Variants in DIS3L2 observed in about 807,000 individuals in gnomAD.
DIS3L2 encodes the protein DIS3 like 3'-5' exoribonuclease 2.
In DIS3L2, 34 loss-of-function variants were observed where a neutral mutation model predicts 97.5. That is an observed-to-expected ratio of 0.35 (90% CI 0.27 to 0.46). DIS3L2 has a LOEUF of 0.46. Among genes scored for constraint, DIS3L2 ranks in the 20% least tolerant of loss-of-function variants. The pLI is 1.00. For missense variants in DIS3L2, 1,038 were observed against 1,146.0 expected, an observed-to-expected ratio of 0.91 and a Z score of 1.36; for synonymous variants, 435 against 445.2, an observed-to-expected ratio of 0.98 and a Z score of 0.29.
intron 3 of DIS3L2, among the ~76,000 whole-genome samples, chr2:232,019,588 G>T (rs1460246757): frequency 1.3e-5 from 2 of 149,046 alleles, no homozygotes; most frequent in Non-Finnish European, 3.0e-5. Context: ...AGTAAAATCA[G>T]CTGGAGAATA....
chr2:232,335,940 C>T (rs1220751601), intron 20 of DIS3L2, 66 bp downstream of exon 20: 9 of 1,546,376 alleles, frequency 5.8e-6, no homozygotes, highest in African/African-American at 1.4e-5. Context: ...CCTGCGGTGC[C>T]CCTCATTCCT....
chr2:232,270,086 G>A (rs1001896812), intron 13 of DIS3L2, among the ~76,000 whole-genome samples: 2 of 152,116 alleles, frequency 1.3e-5, no homozygotes, highest in African/African-American at 4.8e-5. Flanking sequence ...AGGGAATCAG[G>A]TTTCCAGTTT....
chr2:232,055,163 C>G (rs1695511292), intron 5 of DIS3L2, among the ~76,000 whole-genome samples: 1 of 152,130 alleles, frequency 6.6e-6, no homozygotes. Context: ...GAAAGCTTTC[C>G]CTCTGATAAT....
At chr2:232,158,306 C>CGTGTGTGTGTGT (rs111880090) in intron 8 of DIS3L2, among the ~76,000 whole-genome samples, 2 of 150,590 alleles carry the variant, frequency 1.3e-5, no homozygotes, top group East Asian at 3.9e-4. Context: ...TCCTTTATAT[C>CGTGTGTGTGTGT]GTGTGTGTGT....
At chr2:232,130,245 G>T (rs1698179790) in intron 6 of DIS3L2, among the ~76,000 whole-genome samples, 1 of 152,114 alleles carries the variant, frequency 6.6e-6, no homozygotes, top group South Asian at 2.1e-4. Context: ...TTCAGCAGAT[G>T]TGCATAATAA....
chr2:232,233,031 G>A (rs4973510), intron 10 of DIS3L2, among the ~76,000 whole-genome samples: 10,670 of 152,184 alleles, frequency 0.07, 940 homozygotes, highest in East Asian at 0.41. Context: ...AGAATCACCA[G>A]GCTTCAGATG....
At chr2:232,339,841 C>T (rs1158881440), downstream of DIS3L2, 1 of 409,154 alleles carries the variant, frequency 2.4e-6, no homozygotes, top group Admixed American at 2.6e-5. Flanking sequence ...GAGGAGGTCT[C>T]TTCTAGCCAG....
chr2:232,289,326 G>A (rs1039498689), intron 13 of DIS3L2, among the ~76,000 whole-genome samples: 4 of 150,994 alleles, frequency 2.6e-5, no homozygotes, highest in Admixed American at 6.6e-5. Flanking sequence ...GTCTGAGATC[G>A]CAGTGGCACC....
chr2:232,163,402 G>T (rs1559692404), intron 8 of DIS3L2, 57 bp from the exon 9 acceptor site: 3 of 1,558,112 alleles, frequency 1.9e-6, no homozygotes, highest in South Asian at 1.2e-5. Context: ...GAGGAGACAG[G>T]TACCTATGTT....
intron 13 of DIS3L2, among the ~76,000 whole-genome samples, chr2:232,342,246 T>C (rs552606716): frequency 1.3e-3 from 198 of 147,228 alleles, no homozygotes; most frequent in African/African-American, 5.0e-3. Context: ...CATACACATA[T>C]ATACACATAC....
intron 10 of DIS3L2, among the ~76,000 whole-genome samples, chr2:232,221,480 A>G (rs1489586136): frequency 6.6e-6 from 1 of 152,242 alleles, no homozygotes; most frequent in East Asian, 1.9e-4. Context: ...TTAGAGGGGA[A>G]CCCTGATCAC....
rs191060290 is a variant in DIS3L2 at position 232,102,011 on chromosome 2, A to G, written c.601+14290A>G. On this transcript the variant is annotated intron_variant, in intron 6 of 20. Coordinates refer to ENST00000325385, the MANE Select transcript of DIS3L2 (RefSeq NM_152383.5). ...GGCAGAATGTCCTTTTATAGTGGACATATTTGGTGGTCACCAGTTTAACCA... is the reference window on the plus strand; with the variant it reads ...GGCAGAATGTCCTTTTATAGTGGACGTATTTGGTGGTCACCAGTTTAACCA... 3.3e-5 allele frequency among the ~76,000 whole-genome samples: 5 copies of G among 152,360 alleles called. 1 individual carries two copies. The South Asian group carries it at 1.0e-3, about 32-fold the overall frequency.
chr2:232,315,864 C>A (rs926034340), intron 14 of DIS3L2, among the ~76,000 whole-genome samples: 1 of 152,208 alleles, frequency 6.6e-6, no homozygotes, highest in Non-Finnish European at 1.5e-5. Context: ...CTGAGATGAA[C>A]AACATAGATC....
intron 1 of DIS3L2, among the ~76,000 whole-genome samples, 169 bp from the exon 2 acceptor site, chr2:232,014,666 A>G (rs1178482489): frequency 1.3e-5 from 2 of 152,216 alleles, no homozygotes; most frequent in Non-Finnish European, 2.9e-5. Context: ...AGGCCTTGAA[A>G]AGAAACTTGA....
chr2:232,114,211 T>G, intron 6 of DIS3L2, among the ~76,000 whole-genome samples: 1 of 150,946 alleles, frequency 6.6e-6, no homozygotes. Context: ...GTCCCTCCCA[T>G]TCCCATCCCC....
intron 6 of DIS3L2, among the ~76,000 whole-genome samples, chr2:232,098,872 C>G (rs992936161): frequency 1.3e-5 from 2 of 152,132 alleles, no homozygotes; most frequent in African/African-American, 4.8e-5. Flanking sequence ...ATAGAACAAA[C>G]ATTTTTAATT....
intron 5 of DIS3L2, among the ~76,000 whole-genome samples, chr2:232,049,907 C>T (rs921449146): frequency 2.6e-5 from 4 of 152,148 alleles, no homozygotes; most frequent in South Asian, 2.1e-4. Context: ...TTTCTGTAAG[C>T]GTACACATCC....
chr2:232,273,554 G>T (rs997202864), intron 13 of DIS3L2, among the ~76,000 whole-genome samples: 3 of 152,166 alleles, frequency 2.0e-5, no homozygotes, highest in Admixed American at 6.5e-5. Context: ...ATTTGCTGGG[G>T]CATCCAGGGT....
chr2:232,297,701 CTTTT>C (rs11309721), intron 13 of DIS3L2, among the ~76,000 whole-genome samples: 7 of 106,100 alleles, frequency 6.6e-5, no homozygotes, highest in East Asian at 2.8e-4. Context: ...CCTTCCAAGT[CTTTT>C]TTTTTTTTTT....
Sources: gnomAD v4.1 joint callset for allele counts (sites outside exome capture counted in the v4.1 genomes callset) on GRCh38, gnomAD v4.1.1 for gene constraint, MANE v1.5 for transcripts, NCBI Gene and HGNC (gene_info 2026-07-23, HGNC 2026-07-21) for gene names.